PADI6: variants seen among roughly 807,000 people sequenced by gnomAD.
PADI6 encodes the protein peptidyl arginine deiminase 6, also known as inactive protein-arginine deiminase type-6.
Under a neutral mutation model 78.2 loss-of-function variants are expected in PADI6, and 66 were observed. The ratio of observed to expected loss-of-function variants is 0.84; its 90% CI spans 0.69 to 1.04. The LOEUF (loss-of-function observed/expected upper bound fraction) is 1.04, where lower values mean the gene tolerates loss of function less well. Ranked by LOEUF, PADI6 falls within the 50% of genes least tolerant of loss-of-function variation. The pLI is 0.00. For missense variants in PADI6, 854 were observed against 866.1 expected (o/e 0.99, Z 0.18); for synonymous variants, 397 against 346.9 (o/e 1.14, Z -1.60).
In PADI6 at chr1:17,381,167, A is replaced by G; in HGVS notation, c.553+3A>G. 6.3e-7 allele frequency: 1 copy of G among 1,587,700 alleles called. No individual in the cohort carries two copies. Among genetic ancestry groups the G allele is most frequent in the Non-Finnish European group, 8.6e-7 (1 of 1,166,090 alleles). ...CAAGAAAGTGATCTTTTCAGAGGGTAGGACCTCAGACTGTCTCTGCCTTTC... is the reference window on the plus strand; with the variant it reads ...CAAGAAAGTGATCTTTTCAGAGGGTGGGACCTCAGACTGTCTCTGCCTTTC... On this transcript the variant is annotated splice_donor_region_variant and intron_variant, in intron 5 of 15. Coordinates refer to ENST00000619609, the MANE Select transcript of PADI6 (RefSeq NM_207421.4).
chr1:17,392,270 G>T (rs533992573), intron 9 of PADI6, 45 bp downstream of exon 9: 7 of 1,399,372 alleles, frequency 5.0e-6, no homozygotes, highest in African/African-American at 1.4e-5. Context: ...GGGGTGGGGA[G>T]ACTCAGCATG....
intron 6 of PADI6, among the ~76,000 whole-genome samples, chr1:17,387,579 C>T (rs1294903698): frequency 8.6e-5 from 13 of 152,036 alleles, no homozygotes; most frequent in Admixed American, 5.2e-4. Flanking sequence ...GGTGAAATCC[C>T]GTCTCTACTA....
chr1:17,396,366 A>G (rs2075247326), intron 13 of PADI6, among the ~76,000 whole-genome samples: 1 of 152,236 alleles, frequency 6.6e-6, no homozygotes, highest in African/African-American at 2.4e-5. Flanking sequence ...AGCCTGGGCC[A>G]CAGAGCAAGA....
At chr1:17,373,500 A>AT (rs746790101) in intron 2 of PADI6, among the ~76,000 whole-genome samples, 1,615 of 109,560 alleles carry the variant, frequency 0.015, 32 homozygotes, top group African/African-American at 0.045. Context: ...TTTATTTATT[A>AT]TTATTTTTTT....
At position 17,379,810 on chromosome 1, in the gene PADI6, G is replaced by C. The variant is rs2075054929; in HGVS notation, c.368-110G>C. 9.3e-6 allele frequency: 8 copies of C among 861,410 alleles called. No individual in the cohort carries two copies. In the Admixed American group the frequency reaches 1.8e-4, roughly 19 times the overall value. The allele number at this position is 861,410 out of a possible 1,614,324, so 53.4% of individuals were successfully genotyped here. A position where few individuals can be genotyped will look rare whatever the true frequency, so the allele number is the denominator to read the frequency against. The stretch of plus-strand genomic sequence containing the variant: ...TCTAAGCTGATAGCATGCCAGAAAG[G>C]CTAGATGCCCTGATGCCAGCCTTGG... On this transcript the variant is annotated intron_variant, in intron 3 of 15. Transcript: ENST00000619609.
At chr1:17,392,363 T>G (rs1236831634) in intron 9 of PADI6, 138 bp downstream of exon 9, 3 of 615,210 alleles carry the variant, frequency 4.9e-6, no homozygotes, top group Non-Finnish European at 5.8e-6. Flanking sequence ...TCTTAGGACT[T>G]CAGTGGAGGC....
At chr1:17,376,109 G>A (rs906115957) in intron 3 of PADI6, among the ~76,000 whole-genome samples, 1 of 151,912 alleles carries the variant, frequency 6.6e-6, no homozygotes, top group Non-Finnish European at 1.5e-5. Flanking sequence ...AGATTAGCTG[G>A]GACTATAGGT....
chr1:17,386,882 C>T (rs2075124801), intron 6 of PADI6, among the ~76,000 whole-genome samples: 1 of 152,220 alleles, frequency 6.6e-6, no homozygotes, highest in Admixed American at 6.5e-5. Context: ...CAGCCATCTG[C>T]TGGCACGTTG....
At chr1:17,382,212 T>A in intron 6 of PADI6, 120 bp downstream of exon 6, 1 of 1,268,390 alleles carries the variant, frequency 7.9e-7, no homozygotes, top group Non-Finnish European at 1.1e-6. Context: ...GAGCTGCAGA[T>A]GAGAGGCTGT....
In PADI6 at chr1:17,388,530, G is replaced by A; in HGVS notation, c.829G>A (p.Val277Met). 6.2e-7 allele frequency: 1 copy of A among 1,612,996 alleles called. No homozygotes were observed. The highest frequency in any genetic ancestry group is 8.5e-7 in the Non-Finnish European group (1 of 1,179,128). The change falls in exon 7 of 16, where the codon GTG becomes ATG. Residue 277 changes from valine to methionine, a missense_variant. Transcript: ENST00000619609. ...AEFSGLISYS[V>M]SLVEESQDPS... ...ATTCTCAGGCCTCATCTCCTACTCT[G>A]TGTCCCTGGTGGAGGAGTCTCAAGA...
At chr1:17,398,952 G>T in intron 15 of PADI6, 105 bp downstream of exon 15, 1 of 1,252,086 alleles carries the variant, frequency 8.0e-7, no homozygotes, top group East Asian at 2.5e-5. Context: ...GCAGATAACG[G>T]TACCTATGAG....
At chr1:17,375,334 A>T (rs1215376818) in intron 2 of PADI6, 93 bp from the exon 3 acceptor site, 3 of 1,178,612 alleles carry the variant, frequency 2.5e-6, no homozygotes, top group African/African-American at 3.0e-5. Context: ...CAAGACCAAG[A>T]TCCCACGCCT....
chr1:17,391,577 G>A (rs1258516356), intron 8 of PADI6, among the ~76,000 whole-genome samples: 3 of 152,236 alleles, frequency 2.0e-5, no homozygotes, highest in Non-Finnish European at 4.4e-5. Flanking sequence ...AGGAAGGGAT[G>A]GCCACTGTAG....
intron 5 of PADI6, 128 bp from the exon 6 acceptor site, chr1:17,381,839 C>A: frequency 9.2e-7 from 1 of 1,089,322 alleles, no homozygotes; most frequent in Non-Finnish European, 1.4e-6. Flanking sequence ...CGGGCCTGGG[C>A]CCTAGCAAAA....
intron 15 of PADI6, 138 bp downstream of exon 15, chr1:17,398,985 TC>T: frequency 3.1e-6 from 3 of 958,436 alleles, no homozygotes; most frequent in Non-Finnish European, 4.5e-6. Flanking sequence ...AGACCCCTTC[TC>T]CCCCATCTCG....
chr1:17,372,319 C>A lies in PADI6; in HGVS notation c.74C>A (p.Ala25Asp). The change falls in exon 1 of 16, where the codon GCC (alanine) becomes GAC (aspartate). Residue 25 changes from alanine to aspartate, a missense_variant. Physicochemically the swap from Ala to Asp is moderately radical, Grantham distance 126. Transcript: ENST00000619609. ...CTGTCCCTGGACAGCCCTGTCCATGCCGTTTGTGTGTTGGGCACAGAAATC... is the reference window on the plus strand; with the variant it reads ...CTGTCCCTGGACAGCCCTGTCCATGACGTTTGTGTGTTGGGCACAGAAATC... The part of the protein sequence containing the change: ...IHLSLDSPVH[A>D]VCVLGTEICL... 1 of 1,613,946 alleles carries A rather than the reference C, an allele frequency of 6.2e-7. No homozygotes were observed. Among genetic ancestry groups the A allele is most frequent in the Non-Finnish European group, 8.5e-7 (1 of 1,179,868 alleles).
chr1:17,393,961 C>G lies in PADI6; in HGVS notation c.1075-14C>G. ...GTGTGACTGGCAAACAATCTGTCTT[C>G]CTCTCCATTCCAGGATGAGATGGCC... On this transcript the variant is annotated splice_polypyrimidine_tract_variant and intron_variant, in intron 9 of 15. Coordinates refer to ENST00000619609, the MANE Select transcript of PADI6 (RefSeq NM_207421.4). 6.2e-7 allele frequency: 1 copy of G among 1,608,824 alleles called. No individual in the cohort carries two copies. The highest frequency in any genetic ancestry group is 1.3e-5 in the African/African-American group (1 of 74,914).
chr1:17,387,570 G>A (rs2075134319), intron 6 of PADI6, among the ~76,000 whole-genome samples: 1 of 152,076 alleles, frequency 6.6e-6, no homozygotes, highest in African/African-American at 2.4e-5. Context: ...TAACGAGACG[G>A]TGAAATCCCG....
chr1:17,382,129 C>T (rs373085990), intron 6 of PADI6, 37 bp downstream of exon 6: 1 of 1,607,078 alleles, frequency 6.2e-7, no homozygotes, highest in South Asian at 1.1e-5. Flanking sequence ...TTTGCCTGCT[C>T]TCGACGTGCC....
Sources: allele counts gnomAD v4.1 joint callset (sites outside exome capture counted in the v4.1 genomes callset), GRCh38; gene constraint gnomAD v4.1.1; transcripts MANE v1.5; gene names NCBI Gene and HGNC (gene_info 2026-07-23, HGNC 2026-07-21).